SEMA3C: variants seen among roughly 807,000 people sequenced by gnomAD.
The protein encoded by SEMA3C is semaphorin-3C.
A neutral mutation model predicts 89.4 loss-of-function variants in SEMA3C; 47 were observed. The ratio of observed to expected loss-of-function variants is 0.53; its 90% CI spans 0.42 to 0.67. The LOEUF is 0.67. Among genes scored for constraint, SEMA3C ranks in the 30% least tolerant of loss-of-function variants. The pLI, the probability that SEMA3C is intolerant of heterozygous loss-of-function variation, is 0.00. For missense variants in SEMA3C, 839 were observed against 929.1 expected, an observed-to-expected ratio of 0.90 and a Z score of 1.26; for synonymous variants, 310 against 320.2, an observed-to-expected ratio of 0.97 and a Z score of 0.34.
chr7:80,743,852 G>C lies in SEMA3C; in HGVS notation c.*1042C>G, dbSNP rs1489566552. The C allele has an allele frequency of 6.6e-6, 1 of 151,864 alleles. No individual in the cohort carries two copies. Among genetic ancestry groups the C allele is most frequent in the Non-Finnish European group, 1.5e-5 (1 of 67,864 alleles). The allele number at this position is 151,864 out of a possible 1,614,324, so 9.4% of individuals were successfully genotyped here. ...AAAAGATCATAAAATATATAGTGTT[G>C]ACTTAAAAATCAGTATGATATCTGA... On this transcript the variant is annotated 3_prime_UTR_variant, in exon 18 of 18. Transcript: ENST00000265361.
chr7:80,805,663 G>C lies in SEMA3C; in HGVS notation c.634C>G (p.Gln212Glu), dbSNP rs1789321988. 1.9e-6 allele frequency: 3 copies of C among 1,605,456 alleles called. No homozygotes were observed. Among genetic ancestry groups the C allele is most frequent in the Admixed American group, 3.4e-5 (2 of 58,966 alleles). ...CCACTTAGCCATTTGGAATTATGTT[G>C]ATCAGTTCTGACCGCATTCCTCTTG... ...LTKRNAVRTD[Q>E]HNSKWLSEPM... Residue 212 changes from glutamine (Q) to glutamate (E), a missense_variant, in exon 7 of 18, where the codon CAA becomes GAA. By Grantham distance (29) the Gln-to-Glu change is conservative. Coordinates refer to ENST00000265361, the MANE Select transcript of SEMA3C (RefSeq NM_006379.5).
chr7:80,812,272 G>C (rs1429957870), intron 5 of SEMA3C, among the ~76,000 whole-genome samples: 1 of 152,124 alleles, frequency 6.6e-6, no homozygotes, highest in Non-Finnish European at 1.5e-5. Context: ...TTCTTTCTGA[G>C]CATCCTAAGA....
chr7:80,820,398 T>C (rs1218947292), intron 4 of SEMA3C, among the ~76,000 whole-genome samples: 1 of 152,044 alleles, frequency 6.6e-6, no homozygotes, highest in Non-Finnish European at 1.5e-5. Context: ...TTATTTATAT[T>C]ATTTAAAACT....
chr7:80,875,907 A>G (rs1791190191), intron 2 of SEMA3C, among the ~76,000 whole-genome samples: 1 of 152,170 alleles, frequency 6.6e-6, no homozygotes, highest in African/African-American at 2.4e-5. Flanking sequence ...ACCTACAGTA[A>G]GAACACATCT....
In SEMA3C at chr7:80,854,325, C is replaced by T. The variant is rs548953302; in HGVS notation, c.104-25580G>A. Among the ~76,000 whole-genome samples the T allele has an allele frequency of 2.0e-5, 3 of 152,258 alleles. No individual in the cohort carries two copies. In the East Asian group the frequency reaches 5.8e-4, roughly 29 times the overall value. ...CACTAAATGGCAGCTCATGAAGGTACAGGAAAAGGGGAGGCTCGCTGTTCC... is the reference window on the plus strand; with the variant it reads ...CACTAAATGGCAGCTCATGAAGGTATAGGAAAAGGGGAGGCTCGCTGTTCC... On this transcript the variant is annotated intron_variant, in intron 2 of 17. Coordinates refer to ENST00000265361, the MANE Select transcript of SEMA3C (RefSeq NM_006379.5).
chr7:80,807,395 C>A (rs911821725), intron 6 of SEMA3C, among the ~76,000 whole-genome samples: 1 of 152,274 alleles, frequency 6.6e-6, no homozygotes, highest in Non-Finnish European at 1.5e-5. Context: ...CATAAGCCTG[C>A]ACATCTAATT....
chr7:80,749,414 T>G (rs779161534), intron 16 of SEMA3C, among the ~76,000 whole-genome samples: 16 of 152,150 alleles, frequency 1.1e-4, no homozygotes, highest in Non-Finnish European at 2.1e-4. Context: ...TACACTTTAG[T>G]GAATGTGTCA....
intron 4 of SEMA3C, among the ~76,000 whole-genome samples, chr7:80,826,122 A>T (rs1031653101): frequency 1.3e-5 from 2 of 152,064 alleles, no homozygotes; most frequent in Non-Finnish European, 2.9e-5. Context: ...TGAGCCAAAA[A>T]CTTTTGCAAC....
At chr7:80,745,416 T>C (rs1023387985) in intron 17 of SEMA3C, 109 bp from the exon 18 acceptor site, 10 of 1,084,790 alleles carry the variant, frequency 9.2e-6, no homozygotes, top group Non-Finnish European at 1.3e-5. Flanking sequence ...GAAAAAAGTA[T>C]TGAGCACTAC....
intron 2 of SEMA3C, among the ~76,000 whole-genome samples, chr7:80,872,797 CAAAAAAAAAA>C (rs1218885274): frequency 3.2e-4 from 13 of 40,090 alleles, no homozygotes; most frequent in African/African-American, 5.1e-4. Flanking sequence ...GAGACTCTGT[CAAAAAAAAAA>C]AAAAAAAAAA....
chr7:80,873,362 GCA>G (rs1404832001), intron 2 of SEMA3C, among the ~76,000 whole-genome samples: 2 of 152,168 alleles, frequency 1.3e-5, no homozygotes, highest in African/African-American at 4.8e-5. Context: ...GAGTTTGTTT[GCA>G]CAGTGCTTTA....
chr7:80,824,542 C>A (rs73139733), intron 4 of SEMA3C, among the ~76,000 whole-genome samples: 12,948 of 152,178 alleles, frequency 0.085, 568 homozygotes, highest in African/African-American at 0.099. Flanking sequence ...ATTTCAGTAT[C>A]ATTGAAATAA....
intron 2 of SEMA3C, among the ~76,000 whole-genome samples, chr7:80,867,753 T>C (rs1224065424): frequency 6.6e-6 from 1 of 150,642 alleles, no homozygotes; most frequent in African/African-American, 2.5e-5. Context: ...AACCTCTCTG[T>C]GTGGAAAAAG....
At chr7:80,834,044 C>T (rs1191816978) in intron 2 of SEMA3C, among the ~76,000 whole-genome samples, 1 of 152,066 alleles carries the variant, frequency 6.6e-6, no homozygotes, top group Non-Finnish European at 1.5e-5. Context: ...CTTTTTGAAG[C>T]ATATGAGGTA....
upstream of SEMA3C, chr7:80,919,263 G>A (rs1046276335): frequency 3.0e-4 from 294 of 985,076 alleles, 1 homozygote; most frequent in African/African-American, 3.7e-3. Flanking sequence ...GGGCGGGGCC[G>A]ACCCTTAGAG....
At chr7:80,811,151 T>C (rs922988992) in intron 5 of SEMA3C, among the ~76,000 whole-genome samples, 9 of 152,314 alleles carry the variant, frequency 5.9e-5, no homozygotes, top group South Asian at 4.1e-4. Flanking sequence ...ATATAAAGCA[T>C]TGTACAAGAT....
At chr7:80,828,523 T>A in intron 3 of SEMA3C, 62 bp downstream of exon 3, 1 of 1,322,178 alleles carries the variant, frequency 7.6e-7, no homozygotes, top group Non-Finnish European at 1.0e-6. Context: ...TACTTATTTA[T>A]TTTTTTTAAA....
At chr7:80,817,776 C>T (rs967082901) in intron 5 of SEMA3C, among the ~76,000 whole-genome samples, 1 of 152,086 alleles carries the variant, frequency 6.6e-6, no homozygotes, top group Non-Finnish European at 1.5e-5. Context: ...AAGTTCTTTT[C>T]AGCAGACACT....
intron 5 of SEMA3C, among the ~76,000 whole-genome samples, chr7:80,814,837 A>G (rs1226273531): frequency 6.6e-6 from 1 of 152,058 alleles, no homozygotes; most frequent in East Asian, 1.9e-4. Flanking sequence ...ACCATTTTAT[A>G]CTCTCTGTCA....
Sources: gnomAD v4.1 joint callset for allele counts (sites outside exome capture counted in the v4.1 genomes callset) on GRCh38, gnomAD v4.1.1 for gene constraint, MANE v1.5 for transcripts, NCBI Gene and HGNC (gene_info 2026-07-23, HGNC 2026-07-21) for gene names.